LYST: variants seen among roughly 807,000 people sequenced by gnomAD.
LYST encodes lysosomal trafficking regulator.
In LYST, 192 loss-of-function variants were observed where a neutral mutation model predicts 413.6. The observed-to-expected ratio is 0.46, with a 90% CI of 0.41 to 0.52. The LOEUF (loss-of-function observed/expected upper bound fraction) is 0.52, where lower values mean the gene tolerates loss of function less well. Ranked by LOEUF, LYST falls within the 20% of genes least tolerant of loss-of-function variation. The pLI, the probability that LYST is intolerant of heterozygous loss-of-function variation, is 0.00. For synonymous variants in LYST, 1,525 were observed against 1,567.3 expected (o/e 0.97, Z 0.64); for missense variants, 3,815 against 4,499.9 (o/e 0.85, Z 4.35).
intron 30 of LYST, among the ~76,000 whole-genome samples, chr1:235,743,461 G>C (rs1396143241): frequency 1.3e-5 from 2 of 152,136 alleles, no homozygotes; most frequent in Non-Finnish European, 2.9e-5. Flanking sequence ...TATCTATAGA[G>C]TAAACTGACC....
rs760432992 is a variant in LYST at position 235,693,399 on chromosome 1, T to C, written c.10652A>G (p.Lys3551Arg). ...AAAGTTTACTGGAGGCTCACTTTGT[T>C]TACTCTTCAACCTTAAAATATTATC... Reference protein sequence around the residue: ...YADNILRLKSKQSEPPVNFIQ... With the variant: ...YADNILRLKSRQSEPPVNFIQ... Residue 3551 changes from lysine to arginine, a missense_variant, in exon 47 of 53, where the codon AAA (lysine) becomes AGA (arginine). Physicochemically the swap from Lys to Arg is conservative, Grantham distance 26 (BLOSUM62 2). Around this residue, in one of 4 missense-constraint regions of LYST, gnomAD observed 866 missense variants for 1,156.0 expected, o/e 0.75. Transcript: ENST00000389793. The C allele has an allele frequency of 6.2e-7, 1 of 1,613,656 alleles. No individual in the cohort carries two copies. Among genetic ancestry groups the C allele is most frequent in the East Asian group, 2.2e-5 (1 of 44,886 alleles).
At position 235,775,095 on chromosome 1, in the gene LYST, A is replaced by C; in HGVS notation, c.5461-9T>G. ...CTACTGAGTTCAACAACCTAAAAAA[A>C]AAAATGGGTGGATATAGTTTTCTCC... On this transcript the variant is annotated splice_polypyrimidine_tract_variant and intron_variant, in intron 17 of 52. Transcript: ENST00000389793. 2 of 1,607,930 alleles carry C rather than the reference A, an allele frequency of 1.2e-6. No homozygotes were observed. The highest frequency in any genetic ancestry group is 1.7e-6 in the Non-Finnish European group (2 of 1,178,288).
intron 31 of LYST, among the ~76,000 whole-genome samples, chr1:235,740,788 CAT>C (rs1455201758): frequency 2.0e-5 from 3 of 152,122 alleles, no homozygotes; most frequent in Non-Finnish European, 4.4e-5. Context: ...TTTTTATGAA[CAT>C]ATGTTTTAAT....
intron 26 of LYST, 93 bp downstream of exon 26, chr1:235,752,951 G>A (rs1666650624): frequency 5.7e-6 from 4 of 702,916 alleles, no homozygotes; most frequent in Non-Finnish European, 1.0e-5. Flanking sequence ...TTCTTACATA[G>A]GTAAACTCAT....
At chr1:235,676,545 T>C (rs943288863) in intron 50 of LYST, among the ~76,000 whole-genome samples, 2 of 152,236 alleles carry the variant, frequency 1.3e-5, no homozygotes, top group Non-Finnish European at 2.9e-5. Context: ...GAATGATCTA[T>C]CTGAGTTTTG....
intron 3 of LYST, chr1:235,829,994 A>G (rs190397375): frequency 6.0e-6 from 3 of 500,666 alleles, no homozygotes; most frequent in Admixed American, 6.8e-5. Context: ...CATAGTATAT[A>G]TGAAACCATT....
At chr1:235,802,471 C>A (rs1427231730) in intron 8 of LYST, among the ~76,000 whole-genome samples, 1 of 152,190 alleles carries the variant, frequency 6.6e-6, no homozygotes, top group Non-Finnish European at 1.5e-5. Context: ...TTATAACAAA[C>A]TGCCTGAATG....
chr1:235,867,588 T>C (rs888540899), upstream of LYST, among the ~76,000 whole-genome samples: 5 of 152,184 alleles, frequency 3.3e-5, no homozygotes, highest in African/African-American at 7.2e-5. Context: ...ACTGTCAGTG[T>C]CATATGCCCT....
chr1:235,666,339 A>G (rs1388667902), intron 50 of LYST, among the ~76,000 whole-genome samples: 2 of 151,548 alleles, frequency 1.3e-5, no homozygotes, highest in Non-Finnish European at 2.9e-5. Flanking sequence ...CATCATGCTA[A>G]GTGAAATAAG....
chr1:235,859,082 A>G (rs995625738), intron 1 of LYST, among the ~76,000 whole-genome samples: 7 of 152,204 alleles, frequency 4.6e-5, no homozygotes, highest in Admixed American at 1.3e-4. Flanking sequence ...CTCAGCAGAT[A>G]ATCTTGCTTC....
At chr1:235,771,002 T>C (rs1004460153) in intron 19 of LYST, among the ~76,000 whole-genome samples, 1 of 152,202 alleles carries the variant, frequency 6.6e-6, no homozygotes, top group African/African-American at 2.4e-5. Context: ...TCAATAAAGC[T>C]TTTAACAAAA....
intron 21 of LYST, among the ~76,000 whole-genome samples, chr1:235,764,729 C>A (rs1558210139): frequency 6.6e-6 from 1 of 151,878 alleles, no homozygotes; most frequent in South Asian, 2.1e-4. Context: ...TCTTGAACTC[C>A]TGACCTCAGG....
chr1:235,671,056 CTATT>C (rs1336693696), intron 50 of LYST, among the ~76,000 whole-genome samples: 1 of 152,132 alleles, frequency 6.6e-6, no homozygotes, highest in African/African-American at 2.4e-5. Context: ...AGTATTTAAA[CTATT>C]TATTTTCACA....
At position 235,664,759 on chromosome 1, in the gene LYST, T is replaced by C; in HGVS notation, c.11039-138A>G. Reference sequence around the variant, plus strand: ...TTGTAGACAACCCATGACTGAAGACTGTATAAATGAAATTACTACACAAGT... The same window carrying C: ...TTGTAGACAACCCATGACTGAAGACCGTATAAATGAAATTACTACACAAGT... On this transcript the variant is annotated intron_variant, in intron 50 of 52. Transcript: ENST00000389793. This position sits in a 1 kb window ranked among gnomAD's most constrained non-coding sequence, Gnocchi z 4.5. 1.4e-6 allele frequency: 1 copy of C among 733,642 alleles called. No individual in the cohort carries two copies. The allele number at this position is 733,642 out of a possible 1,614,324, so 45.4% of individuals were successfully genotyped here. A position where few individuals can be genotyped will look rare whatever the true frequency, so the allele number is the denominator to read the frequency against.
chr1:235,810,412 T>C lies in LYST; in HGVS notation c.406A>G (p.Lys136Glu). The change falls in exon 5 of 53, where the codon AAA becomes GAA. Residue 136 changes from lysine (K) to glutamate (E), a missense_variant. By Grantham distance (56) the Lys-to-Glu change is moderately conservative. Transcript: ENST00000389793. ...CTGCTTTTTCGAAAAACATTTACTT[T>C]TGCAGAAACCTGACTAGACAGGGCA... ...GSALSSQVSA[K>E]VNVFRKSRRQ... The C allele has an allele frequency of 6.2e-7, 1 of 1,612,358 alleles. No homozygotes were observed.
intron 50 of LYST, among the ~76,000 whole-genome samples, chr1:235,673,982 ATG>A (rs1302504452): frequency 6.6e-6 from 1 of 152,118 alleles, no homozygotes; most frequent in Non-Finnish European, 1.5e-5. Flanking sequence ...TTCCACTTGG[ATG>A]GTCCTCCGAC....
At chr1:235,732,455 C>T (rs897003201) in intron 34 of LYST, among the ~76,000 whole-genome samples, 1 of 152,176 alleles carries the variant, frequency 6.6e-6, no homozygotes, top group African/African-American at 2.4e-5. Flanking sequence ...GTGTGAGCCA[C>T]TGTGCCTGGC....
In LYST at chr1:235,740,772, C is replaced by T. The variant is rs1390014743; in HGVS notation, c.8358+650G>A. Among the ~76,000 whole-genome samples, 4 of 152,146 alleles carry T rather than the reference C, an allele frequency of 2.6e-5. No individual in the cohort carries two copies. The South Asian group carries it at 8.3e-4, about 32-fold the overall frequency. Reference sequence around the variant, plus strand: ...AAAGGCTGACATAGATATTCTTAAACAAGCTTTTTTATGAACATATGTTTT... The same window carrying T: ...AAAGGCTGACATAGATATTCTTAAATAAGCTTTTTTATGAACATATGTTTT... On this transcript the variant is annotated intron_variant, in intron 31 of 52. Coordinates refer to ENST00000389793, the MANE Select transcript of LYST (RefSeq NM_000081.4).
intron 47 of LYST, among the ~76,000 whole-genome samples, chr1:235,690,002 A>G (rs1660525368): frequency 6.6e-6 from 1 of 152,200 alleles, no homozygotes; most frequent in Non-Finnish European, 1.5e-5. Context: ...TTCACACCAC[A>G]TCAATCTAAT....
Sources: allele counts gnomAD v4.1 joint callset (sites outside exome capture counted in the v4.1 genomes callset), GRCh38; gene constraint gnomAD v4.1.1; regional missense constraint gnomAD v4.1.1; non-coding constraint Gnocchi (gnomAD v3.1); transcripts MANE v1.5; gene names NCBI Gene and HGNC (gene_info 2026-07-23, HGNC 2026-07-21).